ARMC9: variants seen among roughly 807,000 people sequenced by gnomAD.
ARMC9 encodes lisH domain-containing protein ARMC9.
ARMC9 carries 94 observed loss-of-function variants against 107.0 expected under a neutral mutation model. That is an observed-to-expected ratio of 0.88 (90% CI 0.74 to 1.04). ARMC9 has a LOEUF of 1.04. Ranked by LOEUF, ARMC9 falls within the 50% of genes least tolerant of loss-of-function variation. The pLI is 0.00. For missense variants in ARMC9, 942 were observed against 1,030.1 expected, an observed-to-expected ratio of 0.91 and a Z score of 1.17; for synonymous variants, 380 against 396.9, an observed-to-expected ratio of 0.96 and a Z score of 0.51.
rs1439585122 is a variant in ARMC9 at position 231,358,130 on chromosome 2, CT to C, written c.2131+2197del. ...ACAGCCCTCTGCTTCTGTGCTCCAT[CT>C]GGGCTTTGCAGATAGGGGGACTGCG... On this transcript the variant is annotated intron_variant, in intron 22 of 24. Transcript: ENST00000611582. The surrounding 1 kb of genome is among the most constrained non-coding windows in gnomAD (Gnocchi z 4.5). Among the ~76,000 whole-genome samples the C allele has an allele frequency of 6.6e-6, 1 of 152,172 alleles. No individual in the cohort carries two copies. Among genetic ancestry groups the C allele is most frequent in the Non-Finnish European group, 1.5e-5 (1 of 68,036 alleles).
intron 11 of ARMC9, among the ~76,000 whole-genome samples, chr2:231,259,395 G>A (rs763907242): frequency 1.3e-5 from 2 of 152,206 alleles, no homozygotes; most frequent in Non-Finnish European, 2.9e-5. Flanking sequence ...CTCTGCTTGT[G>A]TGAGTGCGTG....
At chr2:231,305,183 C>T (rs758179150) in intron 19 of ARMC9, among the ~76,000 whole-genome samples, 2 of 152,222 alleles carry the variant, frequency 1.3e-5, no homozygotes, top group African/African-American at 2.4e-5. Flanking sequence ...ATCTACCTGT[C>T]ATCTATCATC....
At chr2:231,330,855 G>A (rs1374449711) in intron 19 of ARMC9, among the ~76,000 whole-genome samples, 1 of 152,074 alleles carries the variant, frequency 6.6e-6, no homozygotes. Context: ...GCTTTGGGGG[G>A]CTTTTTTTGT....
At chr2:231,250,986 T>C (rs1047465903) in intron 9 of ARMC9, among the ~76,000 whole-genome samples, 6 of 152,094 alleles carry the variant, frequency 3.9e-5, no homozygotes, top group African/African-American at 1.2e-4. Flanking sequence ...CCTCAGTAAA[T>C]GTCAGTGAGT....
At chr2:231,369,596 TTC>T (rs2045937762) in intron 23 of ARMC9, among the ~76,000 whole-genome samples, 1 of 138,916 alleles carries the variant, frequency 7.2e-6, no homozygotes, top group South Asian at 2.1e-4. Context: ...CTCAGCCAGT[TTC>T]TTTTTTTTTT....
intron 19 of ARMC9, among the ~76,000 whole-genome samples, chr2:231,306,592 A>C (rs2042047791): frequency 6.6e-6 from 1 of 152,186 alleles, no homozygotes; most frequent in African/African-American, 2.4e-5. Flanking sequence ...AACAAAGTGC[A>C]ATCAGAACTA....
At chr2:231,347,696 G>A (rs527821865) in intron 21 of ARMC9, among the ~76,000 whole-genome samples, 10 of 152,192 alleles carry the variant, frequency 6.6e-5, no homozygotes, top group African/African-American at 1.9e-4. Context: ...GATTCAAGGC[G>A]CCACTTTAAT....
intron 5 of ARMC9, among the ~76,000 whole-genome samples, chr2:231,221,083 T>C (rs1253795704): frequency 1.3e-5 from 2 of 152,198 alleles, no homozygotes; most frequent in African/African-American, 4.8e-5. Flanking sequence ...CAGGCATTCG[T>C]TGTCTTACAG....
chr2:231,201,089 G>C (rs1396353236), intron 1 of ARMC9, among the ~76,000 whole-genome samples: 1 of 152,172 alleles, frequency 6.6e-6, no homozygotes, highest in Admixed American at 6.5e-5. Flanking sequence ...GATCAGGTAG[G>C]GGGAGGTGGA....
In ARMC9 at chr2:231,262,944, G is replaced by A. The variant is rs114311731; in HGVS notation, c.1119+546G>A. On this transcript the variant is annotated intron_variant, in intron 12 of 24. Transcript: ENST00000611582. Reference sequence around the variant, plus strand: ...CCTCCTCATCTGGGCAAGGAGCCGCGCCTGCCTCGGGAGGTCGTTGGGATG... The same window carrying A: ...CCTCCTCATCTGGGCAAGGAGCCGCACCTGCCTCGGGAGGTCGTTGGGATG... 9.2e-3 allele frequency among the ~76,000 whole-genome samples: 1,401 copies of A among 152,184 alleles called. 18 individuals are homozygous for A. Among genetic ancestry groups the A allele is most frequent in the African/African-American group, 0.033 (1,350 of 41,518 alleles).
chr2:231,260,655 T>C (rs903911818), intron 11 of ARMC9, among the ~76,000 whole-genome samples: 3 of 151,780 alleles, frequency 2.0e-5, no homozygotes, highest in South Asian at 4.2e-4. Flanking sequence ...AGGACTAGAG[T>C]GGGTGGGGCA....
At chr2:231,232,482 G>A (rs1480531826) in intron 7 of ARMC9, among the ~76,000 whole-genome samples, 7 of 149,436 alleles carry the variant, frequency 4.7e-5, no homozygotes, top group Non-Finnish European at 8.9e-5. Flanking sequence ...ACGGAGTTTC[G>A]CTCTTGTTGC....
intron 7 of ARMC9, among the ~76,000 whole-genome samples, chr2:231,230,294 T>G (rs961123407): frequency 3.0e-4 from 45 of 151,484 alleles, no homozygotes; most frequent in African/African-American, 1.0e-3. Flanking sequence ...GCCCAGGAGT[T>G]GCAGCGAGCT....
intron 7 of ARMC9, among the ~76,000 whole-genome samples, chr2:231,231,121 G>A (rs147411489): frequency 2.3e-3 from 352 of 152,236 alleles, no homozygotes; most frequent in Non-Finnish European, 3.9e-3. Context: ...ATGAACTTCC[G>A]GGGGGAAGGG....
Position 231,273,156 on chromosome 2 carries a change from A to G in ARMC9, c.1334+78A>G. 2.6e-6 allele frequency: 4 copies of G among 1,537,062 alleles called. No homozygotes were observed. The East Asian group carries it at 6.8e-5, about 26-fold the overall frequency. On this transcript the variant is annotated intron_variant, in intron 14 of 24. Transcript: ENST00000611582. ...AAATTCCCATGGCAACCCAGGAGGCAGATGGTATTTTTCCACTACACTTTG... is the reference window on the plus strand; with the variant it reads ...AAATTCCCATGGCAACCCAGGAGGCGGATGGTATTTTTCCACTACACTTTG...
chr2:231,290,081 G>A (rs755670581), intron 17 of ARMC9, among the ~76,000 whole-genome samples: 4 of 152,180 alleles, frequency 2.6e-5, no homozygotes, highest in Non-Finnish European at 4.4e-5. Flanking sequence ...ACATCTTGAC[G>A]AATGTGTATA....
intron 14 of ARMC9, among the ~76,000 whole-genome samples, chr2:231,275,902 G>A (rs1041188187): frequency 6.6e-6 from 1 of 152,132 alleles, no homozygotes; most frequent in East Asian, 1.9e-4. Flanking sequence ...GCGGTGAGCC[G>A]AGATCGTGCC....
At chr2:231,326,784 TC>T (rs1379255992) in intron 19 of ARMC9, among the ~76,000 whole-genome samples, 1 of 152,172 alleles carries the variant, frequency 6.6e-6, no homozygotes, top group African/African-American at 2.4e-5. Context: ...GACCAGAACA[TC>T]CTGAATAACT....
intron 7 of ARMC9, among the ~76,000 whole-genome samples, chr2:231,228,154 A>G (rs1020694509): frequency 5.3e-5 from 8 of 152,220 alleles, no homozygotes; most frequent in African/African-American, 1.7e-4. Context: ...CACAGCTGGC[A>G]TCTTCAACTG....
Sources: allele counts gnomAD v4.1 joint callset (sites outside exome capture counted in the v4.1 genomes callset), GRCh38; gene constraint gnomAD v4.1.1; non-coding constraint Gnocchi (gnomAD v3.1); transcripts MANE v1.5; gene names NCBI Gene and HGNC (gene_info 2026-07-23, HGNC 2026-07-21).